Variants in NBEAL1 observed in about 807,000 individuals in gnomAD.
NBEAL1 encodes neurobeachin like 1, also known as neurobeachin-like protein 1.
A neutral mutation model predicts 351.3 loss-of-function variants in NBEAL1; 273 were observed. That is an observed-to-expected ratio of 0.78 (90% CI 0.70 to 0.86). NBEAL1 has a LOEUF of 0.86. Among genes scored for constraint, NBEAL1 ranks in the 40% least tolerant of loss-of-function variants. The probability of loss-of-function intolerance (pLI) is 0.00; values close to 1 mark genes in which losing one functional copy is unlikely to be tolerated. For synonymous variants in NBEAL1, 1,050 were observed against 1,086.4 expected (o/e 0.97, Z 0.66); for missense variants, 2,961 against 3,201.3 (o/e 0.92, Z 1.81).
chr2:203,134,700 A>G (rs1038477178), intron 27 of NBEAL1, among the ~76,000 whole-genome samples: 12 of 152,224 alleles, frequency 7.9e-5, no homozygotes, highest in African/African-American at 1.4e-4. Flanking sequence ...TTTATCTAAA[A>G]ATTTTAATCA....
intron 2 of NBEAL1, among the ~76,000 whole-genome samples, chr2:203,024,136 C>T (rs947361425): frequency 2.0e-5 from 3 of 149,804 alleles, no homozygotes; most frequent in Non-Finnish European, 3.0e-5. Flanking sequence ...TTTCAGTCTA[C>T]AGTGAGCTGG....
At chr2:203,123,977 A>G (rs1056377696) in intron 19 of NBEAL1, among the ~76,000 whole-genome samples, 1 of 151,888 alleles carries the variant, frequency 6.6e-6, no homozygotes, top group African/African-American at 2.4e-5. Context: ...TGCCTTCCAA[A>G]AAGTTAATTT....
chr2:203,167,913 C>G (rs909005577), intron 38 of NBEAL1, among the ~76,000 whole-genome samples: 1 of 152,114 alleles, frequency 6.6e-6, no homozygotes, highest in African/African-American at 2.4e-5. Flanking sequence ...CCTTGCATAG[C>G]TCTCCCATTT....
At chr2:203,174,000 A>G (rs2064405825) in intron 41 of NBEAL1, among the ~76,000 whole-genome samples, 4 of 151,976 alleles carry the variant, frequency 2.6e-5, no homozygotes, top group South Asian at 4.1e-4. Context: ...ATTCAGACCA[A>G]TTATGCATGT....
chr2:203,053,040 C>T (rs372109397), intron 4 of NBEAL1, among the ~76,000 whole-genome samples: 4 of 152,182 alleles, frequency 2.6e-5, no homozygotes, highest in Non-Finnish European at 5.9e-5. Context: ...CTGCTAAAAA[C>T]ATCTGTGTGC....
Position 203,127,771 on chromosome 2 carries a change from T to G in NBEAL1, c.3249-10T>G. 1 of 1,474,780 alleles carries G rather than the reference T, an allele frequency of 6.8e-7. No individual in the cohort carries two copies. Among genetic ancestry groups the G allele is most frequent in the Non-Finnish European group, 9.2e-7 (1 of 1,086,712 alleles). The allele number at this position is 1,474,780 out of a possible 1,614,324, so 91.4% of individuals were successfully genotyped here. ...AAATTTCAATTCTTATACTTTGTTTTGTCTTTCAGGAATGGTTGTAAATAT... is the reference window on the plus strand; with the variant it reads ...AAATTTCAATTCTTATACTTTGTTTGGTCTTTCAGGAATGGTTGTAAATAT... On this transcript the variant is annotated splice_polypyrimidine_tract_variant and intron_variant, in intron 23 of 55. Transcript: ENST00000683969.
intron 42 of NBEAL1, among the ~76,000 whole-genome samples, chr2:203,176,143 G>A (rs2064491370): frequency 6.8e-6 from 1 of 148,138 alleles, no homozygotes; most frequent in Non-Finnish European, 1.5e-5. Flanking sequence ...ATTAAAAGCT[G>A]AAAAGATCCA....
intron 45 of NBEAL1, among the ~76,000 whole-genome samples, chr2:203,189,354 T>C (rs964323614): frequency 2.0e-5 from 3 of 152,224 alleles, no homozygotes; most frequent in Non-Finnish European, 4.4e-5. Flanking sequence ...ACTCTGAGTA[T>C]AATTTGTATT....
chr2:203,060,850 A>G (rs2106105729), intron 6 of NBEAL1, among the ~76,000 whole-genome samples: 1 of 152,350 alleles, frequency 6.6e-6, no homozygotes, highest in South Asian at 2.1e-4. Context: ...AGTAATTGTT[A>G]AATTTGAAAA....
rs2065993471 is a variant in NBEAL1, at chr2:203,225,046, T to C, written c.*7692T>C. On this transcript the variant is annotated 3_prime_UTR_variant, in exon 56 of 56. Transcript: ENST00000683969. ...TGTTTCTGTATAGCATGATTAAAGA[T>C]AATTGAAAATTTTGCACTTATTTTA... Among the ~76,000 whole-genome samples the C allele has an allele frequency of 6.6e-6, 1 of 152,230 alleles. No individual in the cohort carries two copies. The highest frequency in any genetic ancestry group is 1.5e-5 in the Non-Finnish European group (1 of 68,030).
chr2:203,151,381 G>A, intron 34 of NBEAL1, 84 bp from the exon 35 acceptor site: 2 of 988,852 alleles, frequency 2.0e-6, no homozygotes, highest in Non-Finnish European at 2.9e-6. Flanking sequence ...TAAAATACTT[G>A]ATACTTTTTT....
chr2:203,114,891 A>G lies in NBEAL1; in HGVS notation c.2507-1094A>G, dbSNP rs547464423. On this transcript the variant is annotated intron_variant, in intron 17 of 55. Coordinates refer to ENST00000683969, the MANE Select transcript of NBEAL1 (RefSeq NM_001378026.1). ...TTCAGCCTCCCAAGTAGCTAGGATT[A>G]CAGGTGTGTGCCACCACACCCAGCT... Among the ~76,000 whole-genome samples, 4 of 151,880 alleles carry G rather than the reference A, an allele frequency of 2.6e-5. No homozygotes were observed. The South Asian group carries it at 8.3e-4, about 32-fold the overall frequency.
intron 14 of NBEAL1, 67 bp downstream of exon 14, chr2:203,108,255 A>G (rs2062481075): frequency 8.0e-7 from 1 of 1,242,816 alleles, no homozygotes. Flanking sequence ...ATTCTTAAAC[A>G]GGAAAACTGT....
chr2:203,194,467 GA>G (rs1348018896), intron 47 of NBEAL1, among the ~76,000 whole-genome samples: 1 of 152,072 alleles, frequency 6.6e-6, no homozygotes, highest in Non-Finnish European at 1.5e-5. Flanking sequence ...TTCACAAAAA[GA>G]AAATTGAAAA....
chr2:203,107,295 C>T (rs556647165), intron 12 of NBEAL1, 125 bp from the exon 13 acceptor site: 15 of 493,604 alleles, frequency 3.0e-5, no homozygotes, highest in South Asian at 1.6e-4. Flanking sequence ...ATAGTGAATT[C>T]GTGTCTTTTT....
chr2:203,213,759 A>C, intron 55 of NBEAL1, 106 bp downstream of exon 55: 1 of 1,542,838 alleles, frequency 6.5e-7, no homozygotes, highest in African/African-American at 1.4e-5. Context: ...AAACAAATTA[A>C]AAGCCAAATT....
rs755398888 is a variant in NBEAL1, at chr2:203,188,500, A to C, written c.6734A>C (p.His2245Pro). Residue 2245 changes from histidine to proline, a missense_variant, in exon 45 of 56, where the codon CAT (histidine) becomes CCT (proline). Physicochemically the swap from His to Pro is moderately conservative, Grantham distance 77. Transcript: ENST00000683969. The stretch of plus-strand genomic sequence containing the variant: ...TCTGAATATGTTTCAGCTCATCTTC[A>C]TGAATGGATAGATCTGATCTTTGGC... ...LESEYVSAHLHEWIDLIFGYK... is the reference protein window; with the variant it reads ...LESEYVSAHLPEWIDLIFGYK... The C allele has an allele frequency of 1.3e-5, 20 of 1,586,386 alleles. No homozygotes were observed. The highest frequency in any genetic ancestry group is 1.6e-5 in the Non-Finnish European group (19 of 1,168,176).
chr2:203,220,483 CA>C lies in NBEAL1; in HGVS notation c.*3142del, dbSNP rs968981661. 1.7e-3 allele frequency among the ~76,000 whole-genome samples: 231 copies of C among 135,814 alleles called. No homozygotes were observed. Among genetic ancestry groups the C allele is most frequent in the Non-Finnish European group, 1.6e-3 (102 of 62,400 alleles). 89.1% of individuals were successfully genotyped at this position (135,814 alleles called of 152,430 possible). On this transcript the variant is annotated 3_prime_UTR_variant, in exon 56 of 56. Coordinates refer to ENST00000683969, the MANE Select transcript of NBEAL1 (RefSeq NM_001378026.1). ...TGGGCAACAGGGCAAGACTCCATCT[CA>C]AAAAAAAAAAAAGTCTGTTATCTTT...
chr2:203,161,999 T>C (rs1459487978), intron 36 of NBEAL1, among the ~76,000 whole-genome samples: 3 of 151,428 alleles, frequency 2.0e-5, no homozygotes, highest in African/African-American at 7.3e-5. Context: ...GGGGGTTTTG[T>C]TTTGTTTTGA....
Sources: allele counts gnomAD v4.1 joint callset (sites outside exome capture counted in the v4.1 genomes callset), GRCh38; gene constraint gnomAD v4.1.1; transcripts MANE v1.5; gene names NCBI Gene and HGNC (gene_info 2026-07-23, HGNC 2026-07-21).